CMSS1: variants seen among roughly 807,000 people sequenced by gnomAD.
CMSS1 encodes protein CMSS1.
CMSS1 carries 33 observed loss-of-function variants against 43.5 expected under a neutral mutation model. That is an observed-to-expected ratio of 0.76 (90% CI 0.57 to 1.01). The LOEUF (loss-of-function observed/expected upper bound fraction) is 1.01, where lower values mean the gene tolerates loss of function less well. Among genes scored for constraint, CMSS1 ranks in the 50% least tolerant of loss-of-function variants. The pLI, the probability that CMSS1 is intolerant of heterozygous loss-of-function variation, is 0.00. For missense variants in CMSS1, 313 were observed against 326.4 expected (o/e 0.96, Z 0.32); for synonymous variants, 115 against 117.2 (o/e 0.98, Z 0.12).
intron 1 of CMSS1, among the ~76,000 whole-genome samples, chr3:100,042,415 G>A (rs1036561993): frequency 6.6e-6 from 1 of 152,172 alleles, no homozygotes; most frequent in African/African-American, 2.4e-5. Context: ...CAGCTAGCCT[G>A]TGAGCACCAT....
At chr3:100,154,021 T>C (rs2066947895) in intron 2 of CMSS1, among the ~76,000 whole-genome samples, 1 of 152,054 alleles carries the variant, frequency 6.6e-6, no homozygotes, top group African/African-American at 2.4e-5. Context: ...TGGCCAATTT[T>C]TGTATTTTTG....
At chr3:100,007,754 C>T (rs1710029254) in intron 1 of CMSS1, among the ~76,000 whole-genome samples, 1 of 151,834 alleles carries the variant, frequency 6.6e-6, no homozygotes, top group Non-Finnish European at 1.5e-5. Context: ...CCACTGTTAC[C>T]AATTGTGATA....
intron 1 of CMSS1, among the ~76,000 whole-genome samples, chr3:99,996,940 TTC>T (rs1440373263): frequency 2.6e-5 from 4 of 152,116 alleles, no homozygotes; most frequent in African/African-American, 9.7e-5. Flanking sequence ...TTAAAATTTT[TTC>T]GAAACAAATG....
intron 1 of CMSS1, among the ~76,000 whole-genome samples, chr3:99,989,419 A>G (rs1420318857): frequency 2.0e-5 from 3 of 152,108 alleles, no homozygotes; most frequent in Non-Finnish European, 2.9e-5. Context: ...CTAATAACCC[A>G]ATTACTGTGT....
At chr3:99,974,102 T>A (rs1708899782) in intron 1 of CMSS1, among the ~76,000 whole-genome samples, 1 of 152,226 alleles carries the variant, frequency 6.6e-6, no homozygotes, top group Non-Finnish European at 1.5e-5. Context: ...TGTTTCTTTT[T>A]AATGGTCTTT....
chr3:99,878,294 A>G (rs1705603047), intron 1 of CMSS1, among the ~76,000 whole-genome samples: 1 of 152,228 alleles, frequency 6.6e-6, no homozygotes, highest in Admixed American at 6.5e-5. Flanking sequence ...TTAGTGCTCT[A>G]CAAGCATTTC....
At chr3:99,845,401 A>G (rs1943318204) in intron 1 of CMSS1, among the ~76,000 whole-genome samples, 1 of 152,240 alleles carries the variant, frequency 6.6e-6, no homozygotes, top group East Asian at 1.9e-4. Flanking sequence ...TAGACCAATG[A>G]AAGAATGGTA....
At chr3:99,945,267 A>T (rs1232585727) in intron 1 of CMSS1, among the ~76,000 whole-genome samples, 1 of 152,114 alleles carries the variant, frequency 6.6e-6, no homozygotes, top group African/African-American at 2.4e-5. Flanking sequence ...ACTCATCGCT[A>T]CGAAGGAGTG....
At chr3:100,178,110 C>A (rs1320430525) in intron 9 of CMSS1, among the ~76,000 whole-genome samples, 195 bp from the exon 10 acceptor site, 4 of 152,098 alleles carry the variant, frequency 2.6e-5, no homozygotes, top group African/African-American at 9.7e-5. Flanking sequence ...CAGAATGGGA[C>A]TCTGTCTCAA....
At chr3:100,103,035 G>GGA (rs1362081305) in intron 1 of CMSS1, among the ~76,000 whole-genome samples, 1 of 152,194 alleles carries the variant, frequency 6.6e-6, no homozygotes, top group Non-Finnish European at 1.5e-5. Flanking sequence ...TTGAGGCTTG[G>GGA]GAGACTAAGT....
chr3:99,950,629 A>G (rs116756983), intron 1 of CMSS1, among the ~76,000 whole-genome samples: 388 of 152,314 alleles, frequency 2.5e-3, no homozygotes, highest in African/African-American at 8.2e-3. Context: ...CTGTATGACT[A>G]TCCCCACTCA....
chr3:99,949,312 T>G (rs1163272601), intron 1 of CMSS1, among the ~76,000 whole-genome samples: 1 of 152,228 alleles, frequency 6.6e-6, no homozygotes, highest in Non-Finnish European at 1.5e-5. Context: ...GTTTGTTTGT[T>G]TTTAATAAGC....
intron 1 of CMSS1, among the ~76,000 whole-genome samples, chr3:100,034,114 A>G (rs139460707): frequency 1.3e-5 from 2 of 152,312 alleles, no homozygotes; most frequent in African/African-American, 4.8e-5. Context: ...ATCATCATCC[A>G]TTGAAATTGA....
chr3:99,964,860 T>C (rs759792446), intron 1 of CMSS1, among the ~76,000 whole-genome samples: 12 of 152,114 alleles, frequency 7.9e-5, no homozygotes, highest in Admixed American at 2.0e-4. Context: ...AAAAACTCTT[T>C]CCTAAGTTAA....
chr3:100,132,746 G>A (rs2066719351), intron 1 of CMSS1, among the ~76,000 whole-genome samples: 1 of 148,546 alleles, frequency 6.7e-6, no homozygotes, highest in African/African-American at 2.5e-5. Flanking sequence ...GTGAACCCAG[G>A]AGGTGGAGCT....
At chr3:100,088,333 A>G (rs954014481) in intron 1 of CMSS1, among the ~76,000 whole-genome samples, 2 of 152,194 alleles carry the variant, frequency 1.3e-5, no homozygotes, top group African/African-American at 4.8e-5. Flanking sequence ...TGTAACGCTC[A>G]GACATTATGG....
chr3:99,876,282 C>G (rs1432637787), intron 1 of CMSS1: 1 of 907,676 alleles, frequency 1.1e-6, no homozygotes, highest in African/African-American at 1.8e-5. Flanking sequence ...GACCGCGGGA[C>G]CCTCGGCCGC....
rs996288912 is a variant in CMSS1, at chr3:99,915,946, A to G, written c.64+97903A>G. Among the ~76,000 whole-genome samples, 5 of 152,348 alleles carry G rather than the reference A, an allele frequency of 3.3e-5. No homozygotes were observed. The East Asian group carries it at 5.8e-4, about 18-fold the overall frequency. On this transcript the variant is annotated intron_variant, in intron 1 of 9. Coordinates refer to ENST00000421999, the MANE Select transcript of CMSS1 (RefSeq NM_032359.4). ...TTCTTGGCAACTCAAAAATATACCT[A>G]TTGGTATCATGCAGAGTACATAAGT...
At chr3:99,916,035 A>G (rs1274850730) in intron 1 of CMSS1, among the ~76,000 whole-genome samples, 2 of 152,218 alleles carry the variant, frequency 1.3e-5, no homozygotes, top group African/African-American at 2.4e-5. Flanking sequence ...TTATGTGTCA[A>G]CTTGACTGGG....
Sources: gnomAD v4.1 joint callset for allele counts (sites outside exome capture counted in the v4.1 genomes callset) on GRCh38, gnomAD v4.1.1 for gene constraint, MANE v1.5 for transcripts, NCBI Gene and HGNC (gene_info 2026-07-23, HGNC 2026-07-21) for gene names.